PAWR: variants seen among roughly 807,000 people sequenced by gnomAD.
PAWR encodes pro-apoptotic WT1 regulator, also known as PRKC apoptosis WT1 regulator protein.
In PAWR, 23 loss-of-function variants were observed where a neutral mutation model predicts 32.0. The observed-to-expected ratio is 0.72, with a 90% CI of 0.52 to 1.02. The LOEUF is 1.02. Among genes scored for constraint, PAWR ranks in the 50% least tolerant of loss-of-function variants. The pLI, the probability that PAWR is intolerant of heterozygous loss-of-function variation, is 0.00. For synonymous variants in PAWR, 226 were observed against 187.1 expected, an observed-to-expected ratio of 1.21 and a Z score of -1.70; for missense variants, 457 against 437.7, an observed-to-expected ratio of 1.04 and a Z score of -0.39.
chr12:79,667,407 T>C (rs1316798735), intron 2 of PAWR, among the ~76,000 whole-genome samples: 4 of 152,182 alleles, frequency 2.6e-5, no homozygotes, highest in African/African-American at 9.7e-5. Context: ...TACCAAATTA[T>C]AGGAAATAGT....
chr12:79,656,589 G>GA (rs1877105771), intron 2 of PAWR, among the ~76,000 whole-genome samples: 1 of 152,032 alleles, frequency 6.6e-6, no homozygotes, highest in Non-Finnish European at 1.5e-5. Context: ...TGATGATTTA[G>GA]AAAAAAGCAG....
At chr12:79,593,669 T>A (rs950591766) in intron 6 of PAWR, among the ~76,000 whole-genome samples, 3 of 145,598 alleles carry the variant, frequency 2.1e-5, no homozygotes, top group Non-Finnish European at 3.0e-5. Context: ...CAAAAAATAA[T>A]AATAATAATA....
intron 2 of PAWR, among the ~76,000 whole-genome samples, chr12:79,670,876 G>T (rs960075122): frequency 1.3e-5 from 2 of 148,900 alleles, no homozygotes; most frequent in African/African-American, 2.5e-5. Context: ...TTTTTTTAGG[G>T]GTTTTTTTTT....
At chr12:79,611,928 A>G (rs1300360919) in intron 4 of PAWR, among the ~76,000 whole-genome samples, 1 of 152,158 alleles carries the variant, frequency 6.6e-6, no homozygotes, top group African/African-American at 2.4e-5. Context: ...ATTCTAATTA[A>G]AGAACACAAA....
intron 4 of PAWR, chr12:79,604,305 A>G: frequency 2.0e-6 from 2 of 998,728 alleles, no homozygotes; most frequent in Non-Finnish European, 2.4e-6. Flanking sequence ...AAGAAACAGT[A>G]TCATCAAAGA....
intron 4 of PAWR, among the ~76,000 whole-genome samples, chr12:79,601,191 C>T (rs1033247307): frequency 9.1e-5 from 13 of 143,382 alleles, no homozygotes; most frequent in Non-Finnish European, 4.5e-5. Flanking sequence ...GCTGAAAAAG[C>T]AAGCAGGAAA....
chr12:79,635,887 T>C (rs1272933774), intron 2 of PAWR, among the ~76,000 whole-genome samples: 1 of 152,150 alleles, frequency 6.6e-6, no homozygotes, highest in African/African-American at 2.4e-5. Flanking sequence ...GTTGCACATA[T>C]TCAATAAATG....
At chr12:79,649,897 T>G (rs73345515) in intron 2 of PAWR, among the ~76,000 whole-genome samples, 3,861 of 151,852 alleles carry the variant, frequency 0.025, 171 homozygotes, top group African/African-American at 0.085. Flanking sequence ...TAGCAGGGGG[T>G]AGGTTTTGGG....
At chr12:79,617,168 G>A (rs1003246286) in intron 3 of PAWR, among the ~76,000 whole-genome samples, 2 of 152,154 alleles carry the variant, frequency 1.3e-5, no homozygotes, top group East Asian at 1.9e-4. Context: ...CCTGGCCAAC[G>A]TGGTGAAACC....
At chr12:79,613,954 TATA>T (rs1874575537) in intron 3 of PAWR, among the ~76,000 whole-genome samples, 2 of 6,614 alleles carry the variant, frequency 3.0e-4, no homozygotes, top group Admixed American at 3.2e-3. Context: ...TATATATATA[TATA>T]TATATATATA....
At chr12:79,639,831 T>TCCTTTCCCATTCCCATTCCCATTC (rs879765629) in intron 2 of PAWR, among the ~76,000 whole-genome samples, 4 of 126,430 alleles carry the variant, frequency 3.2e-5, no homozygotes, top group African/African-American at 1.6e-4. Context: ...CTTTTCCTTT[T>TCCTTTCCCATTCCCATTCCCATTC]CCATTCCTAT....
rs1566011061 is a variant in PAWR at position 79,632,344 on chromosome 12, TA to T, written c.517-11138del. Among the ~76,000 whole-genome samples the T allele has an allele frequency of 1.2e-3, 75 of 63,930 alleles. 5 individuals are homozygous for T. The highest frequency in any genetic ancestry group is 4.9e-3 in the South Asian group (11 of 2,266). The allele number at this position is 63,930 out of a possible 152,430, so 41.9% of individuals were successfully genotyped here. A position where few individuals can be genotyped will look rare whatever the true frequency, so the allele number is the denominator to read the frequency against. ...ATATATATATATATATATATATATA[TA>T]TATATATATATATATATTTTTTTTT... On this transcript the variant is annotated intron_variant, in intron 2 of 6. Coordinates refer to ENST00000328827, the MANE Select transcript of PAWR (RefSeq NM_002583.4).
rs1566011212 is a variant in PAWR, at chr12:79,632,361, A to ATATTTT, written c.517-11155_517-11154insAAAATA. On this transcript the variant is annotated intron_variant, in intron 2 of 6. Transcript: ENST00000328827. ...TATATATATATATATATATATATAT[A>ATATTTT]TTTTTTTTTTTTTTTAGACAGGGTC... Among the ~76,000 whole-genome samples, 56 of 20,580 alleles carry ATATTTT rather than the reference A, an allele frequency of 2.7e-3. 1 individual carries two copies. Among genetic ancestry groups the ATATTTT allele is most frequent in the Non-Finnish European group, 3.6e-3 (47 of 12,938 alleles). The allele number at this position is 20,580 out of a possible 152,430, so 13.5% of individuals were successfully genotyped here.
At chr12:79,635,615 G>A (rs963120191) in intron 2 of PAWR, 1 of 152,066 alleles carries the variant, frequency 6.6e-6, no homozygotes, top group African/African-American at 2.4e-5. Context: ...CCAGAAGACG[G>A]CTATCCTGAA....
intron 2 of PAWR, among the ~76,000 whole-genome samples, chr12:79,657,716 C>T (rs1191533739): frequency 6.6e-6 from 1 of 152,080 alleles, no homozygotes; most frequent in African/African-American, 2.4e-5. Flanking sequence ...ATGGCGTGAA[C>T]CCGGGAGGTG....
At chr12:79,632,330 TATATATATATATATA>T (rs1875707384) in intron 2 of PAWR, among the ~76,000 whole-genome samples, 2 of 46,544 alleles carry the variant, frequency 4.3e-5, no homozygotes, top group African/African-American at 6.0e-4. Flanking sequence ...TATATATATA[TATATATATATATATA>T]TATATATATA....
chr12:79,611,905 T>G (rs1874456268), intron 4 of PAWR, among the ~76,000 whole-genome samples: 1 of 152,140 alleles, frequency 6.6e-6, no homozygotes, highest in Admixed American at 6.5e-5. Context: ...TTTATAAAAT[T>G]ATTCCCCTCT....
Position 79,601,207 on chromosome 12 carries a change from ATTTT to A in PAWR, c.684-4553_684-4550del, listed in dbSNP as rs534042888. ...CTGAAAAAGCAAGCAGGAAACCTGA[ATTTT>A]TTTTTTTTTTTTTTTTTTTTTTTAA... On this transcript the variant is annotated intron_variant, in intron 4 of 6. Transcript: ENST00000328827. Among the ~76,000 whole-genome samples, 649 of 118,494 alleles carry A rather than the reference ATTTT, an allele frequency of 5.5e-3. 9 individuals are homozygous for A. The highest frequency in any genetic ancestry group is 0.021 in the African/African-American group (596 of 28,862). 77.7% of individuals were successfully genotyped at this position (118,494 alleles called of 152,430 possible). A position where few individuals can be genotyped will look rare whatever the true frequency, so the allele number is the denominator to read the frequency against.
At chr12:79,654,974 T>C (rs1443067075) in intron 2 of PAWR, among the ~76,000 whole-genome samples, 1 of 152,226 alleles carries the variant, frequency 6.6e-6, no homozygotes, top group Non-Finnish European at 1.5e-5. Flanking sequence ...CTTTATTCTT[T>C]ATTCTGTTCA....
Sources: gnomAD v4.1 joint callset for allele counts (sites outside exome capture counted in the v4.1 genomes callset) on GRCh38, gnomAD v4.1.1 for gene constraint, MANE v1.5 for transcripts, NCBI Gene and HGNC (gene_info 2026-07-23, HGNC 2026-07-21) for gene names.